The following GLRA3 variants were observed in gnomAD, a reference collection of about 807,000 sequenced individuals.
GLRA3 encodes glycine receptor subunit alpha-3.
GLRA3 carries 44 observed loss-of-function variants against 60.4 expected under a neutral mutation model. The ratio of observed to expected loss-of-function variants is 0.73; its 90% CI spans 0.57 to 0.94. GLRA3 has a LOEUF of 0.94. Among genes scored for constraint, GLRA3 ranks in the 40% least tolerant of loss-of-function variants. The pLI is 0.00. For missense variants in GLRA3, 508 were observed against 564.6 expected, an observed-to-expected ratio of 0.90 and a Z score of 1.02; for synonymous variants, 223 against 192.9, an observed-to-expected ratio of 1.16 and a Z score of -1.29.
chr4:174,797,160 C>T (rs1331517725), intron 1 of GLRA3, among the ~76,000 whole-genome samples: 1 of 152,064 alleles, frequency 6.6e-6, no homozygotes, highest in East Asian at 1.9e-4. Context: ...TGAAAAGAAA[C>T]CCAATATTAA....
intron 4 of GLRA3, among the ~76,000 whole-genome samples, chr4:174,716,319 C>G (rs574016611): frequency 6.6e-6 from 1 of 152,290 alleles, no homozygotes; most frequent in Admixed American, 6.5e-5. Flanking sequence ...AAAGGATAAC[C>G]TAGATGCTGT....
At chr4:174,736,209 ATG>A (rs1326612894) in intron 3 of GLRA3, among the ~76,000 whole-genome samples, 1 of 152,072 alleles carries the variant, frequency 6.6e-6, no homozygotes, top group Non-Finnish European at 1.5e-5. Context: ...TATTTTATTA[ATG>A]TGTGTTTTTA....
At chr4:174,823,089 G>C (rs1045143376) in intron 1 of GLRA3, among the ~76,000 whole-genome samples, 2 of 152,074 alleles carry the variant, frequency 1.3e-5, no homozygotes, top group Non-Finnish European at 2.9e-5. Flanking sequence ...TATATACACT[G>C]TTTGTTGCTA....
At chr4:174,798,848 G>T (rs1359581020) in intron 1 of GLRA3, among the ~76,000 whole-genome samples, 1 of 152,106 alleles carries the variant, frequency 6.6e-6, no homozygotes, top group Non-Finnish European at 1.5e-5. Context: ...GTGAACCCGG[G>T]AGGCGGAGCT....
chr4:174,676,105 A>G (rs1453773142), intron 7 of GLRA3, among the ~76,000 whole-genome samples: 1 of 152,154 alleles, frequency 6.6e-6, no homozygotes, highest in East Asian at 1.9e-4. Context: ...ACGTCATTTT[A>G]GGGGAAGAAA....
At chr4:174,771,145 A>G (rs538291227) in intron 2 of GLRA3, among the ~76,000 whole-genome samples, 80 of 151,780 alleles carry the variant, frequency 5.3e-4, no homozygotes, top group African/African-American at 1.9e-3. Context: ...TGACGAGTTA[A>G]TGGGTGCAGC....
chr4:174,686,207 C>A, intron 5 of GLRA3, among the ~76,000 whole-genome samples: 1 of 152,140 alleles, frequency 6.6e-6, no homozygotes, highest in East Asian at 1.9e-4. Flanking sequence ...TTAATGATAA[C>A]AACTAAGTGG....
chr4:174,668,437 A>G (rs945594602), intron 7 of GLRA3, among the ~76,000 whole-genome samples: 2 of 152,158 alleles, frequency 1.3e-5, no homozygotes, highest in African/African-American at 4.8e-5. Flanking sequence ...CTACGGCAGT[A>G]TATGCTATGG....
At chr4:174,707,549 G>T (rs748219706) in intron 5 of GLRA3, among the ~76,000 whole-genome samples, 2 of 151,974 alleles carry the variant, frequency 1.3e-5, no homozygotes, top group Non-Finnish European at 2.9e-5. Flanking sequence ...CTGCAGTCTC[G>T]GTTTAGGCCA....
intron 5 of GLRA3, among the ~76,000 whole-genome samples, chr4:174,703,967 G>A (rs1481824058): frequency 6.6e-6 from 1 of 151,962 alleles, no homozygotes; most frequent in Non-Finnish European, 1.5e-5. Flanking sequence ...AGGGATATGA[G>A]GGTTGAAGGA....
chr4:174,700,918 T>C (rs940686394), intron 5 of GLRA3, among the ~76,000 whole-genome samples: 6 of 152,178 alleles, frequency 3.9e-5, no homozygotes, highest in South Asian at 2.1e-4. Context: ...GGTTAGTTTA[T>C]GAGGATTAAG....
intron 7 of GLRA3, 101 bp from the exon 8 acceptor site, chr4:174,659,298 C>T (rs1188631230): frequency 6.3e-6 from 5 of 795,302 alleles, no homozygotes; most frequent in Admixed American, 3.1e-5. Context: ...GTCATTTATA[C>T]ATAAGTTTTA....
chr4:174,668,581 G>C (rs1416582146), intron 7 of GLRA3, among the ~76,000 whole-genome samples: 1 of 152,132 alleles, frequency 6.6e-6, no homozygotes, highest in Non-Finnish European at 1.5e-5. Flanking sequence ...TATATTTGAT[G>C]TGGCTAGCTA....
intron 3 of GLRA3, among the ~76,000 whole-genome samples, chr4:174,756,641 T>C (rs1269484495): frequency 5.1e-5 from 1 of 19,632 alleles, no homozygotes; most frequent in Non-Finnish European, 2.8e-4. Flanking sequence ...AATGCCATTC[T>C]TTTTTTTCTT....
At chr4:174,755,553 A>G (rs979068064) in intron 3 of GLRA3, among the ~76,000 whole-genome samples, 1 of 152,128 alleles carries the variant, frequency 6.6e-6, no homozygotes, top group African/African-American at 2.4e-5. Context: ...GTAAGTCATT[A>G]AATTGTTTTC....
intron 5 of GLRA3, among the ~76,000 whole-genome samples, chr4:174,688,435 G>T (rs549890805): frequency 4.9e-5 from 7 of 143,244 alleles, no homozygotes; most frequent in Admixed American, 1.5e-4. Flanking sequence ...TTGTCCCCTA[G>T]AATTTATTCT....
intron 3 of GLRA3, among the ~76,000 whole-genome samples, chr4:174,736,657 T>G (rs1561086425): frequency 6.6e-6 from 1 of 152,184 alleles, no homozygotes; most frequent in East Asian, 1.9e-4. Flanking sequence ...GGTCATTTGT[T>G]TATAGAAGTG....
chr4:174,644,105 T>C (rs1427383849), intron 9 of GLRA3, 41 bp from the exon 10 acceptor site: 1 of 1,136,550 alleles, frequency 8.8e-7, no homozygotes, highest in Non-Finnish European at 1.3e-6. Flanking sequence ...AATAATACAA[T>C]AGAGCATGTA....
intron 3 of GLRA3, among the ~76,000 whole-genome samples, chr4:174,729,587 G>T (rs149529771): frequency 2.0e-5 from 3 of 152,162 alleles, no homozygotes; most frequent in Non-Finnish European, 4.4e-5. Flanking sequence ...TTGGACTAAC[G>T]CGTAGAATGA....
Sources: gnomAD v4.1 joint callset for allele counts (sites outside exome capture counted in the v4.1 genomes callset) on GRCh38, gnomAD v4.1.1 for gene constraint, MANE v1.5 for transcripts, NCBI Gene and HGNC (gene_info 2026-07-23, HGNC 2026-07-21) for gene names.